BLTP2: variants seen among roughly 807,000 people sequenced by gnomAD.
BLTP2 encodes the protein U937-associated antigen.
At chr17:28,615,197 C>T in the BLTP2 span, 3 of 1,613,694 alleles carry the variant, frequency 1.9e-6, no homozygotes, top group African/African-American at 1.3e-5. Context: ...TAGCTTTCCC[C>T]GGACCTCAGA....
the BLTP2 span, chr17:28,643,989 A>G: frequency 6.5e-7 from 1 of 1,533,400 alleles, no homozygotes; most frequent in South Asian, 1.2e-5. Flanking sequence ...TTTTTAAAAA[A>G]AGGAAATTAA....
At chr17:28,643,631 T>A in the BLTP2 span, 1 of 1,614,092 alleles carries the variant, frequency 6.2e-7, no homozygotes, top group Non-Finnish European at 8.5e-7. Context: ...GCTAAGGAGT[T>A]TGCTGGAAAT....
chr17:28,627,142 G>A, the BLTP2 span, among the ~76,000 whole-genome samples: 1 of 152,204 alleles, frequency 6.6e-6, no homozygotes, highest in Non-Finnish European at 1.5e-5. Flanking sequence ...TTTGGTCACA[G>A]AAGTCTTCTG....
the BLTP2 span, chr17:28,628,115 T>C: frequency 1.5e-6 from 1 of 672,920 alleles, no homozygotes; most frequent in Non-Finnish European, 2.5e-6. Context: ...ACTTAATATG[T>C]AAGACTTAGG....
At chr17:28,615,866 C>T in the BLTP2 span, 6 of 1,554,800 alleles carry the variant, frequency 3.9e-6, no homozygotes, top group Non-Finnish European at 5.3e-6. Flanking sequence ...CATTTTGAGT[C>T]CCAGCCAGCC....
the BLTP2 span, among the ~76,000 whole-genome samples, chr17:28,621,715 GCA>G: frequency 6.6e-6 from 1 of 152,046 alleles, no homozygotes; most frequent in Non-Finnish European, 1.5e-5. Flanking sequence ...TGAGTTACAT[GCA>G]CACTTTGCCA....
the BLTP2 span, among the ~76,000 whole-genome samples, chr17:28,617,824 A>G: frequency 6.6e-6 from 1 of 151,848 alleles, no homozygotes; most frequent in Non-Finnish European, 1.5e-5. Context: ...CAGTGACACA[A>G]TCTTGGCTCA....
the BLTP2 span, chr17:28,645,104 G>A: frequency 8.5e-6 from 13 of 1,530,764 alleles, no homozygotes; most frequent in Non-Finnish European, 2.6e-6. Flanking sequence ...GCCATGCCGG[G>A]CCCCGACGCC....
At chr17:28,633,605 G>A in the BLTP2 span, 1 of 1,613,948 alleles carries the variant, frequency 6.2e-7, no homozygotes, top group African/African-American at 1.3e-5. Flanking sequence ...CAGTCTCCAT[G>A]GAACAGAAGA....
the BLTP2 span, among the ~76,000 whole-genome samples, chr17:28,631,108 C>A: frequency 6.6e-6 from 1 of 152,118 alleles, no homozygotes; most frequent in African/African-American, 2.4e-5. Flanking sequence ...GTCCTAACCC[C>A]CAATGTAACA....
chr17:28,640,182 C>T, the BLTP2 span, among the ~76,000 whole-genome samples: 2 of 152,132 alleles, frequency 1.3e-5, no homozygotes, highest in Non-Finnish European at 2.9e-5. Flanking sequence ...ATCACGAGGT[C>T]AGGAGATCGA....
the BLTP2 span, chr17:28,643,731 A>G: frequency 2.1e-6 from 3 of 1,399,148 alleles, no homozygotes; most frequent in Non-Finnish European, 2.0e-6. Flanking sequence ...CAAGCCAGGA[A>G]ATGTTCTGGA....
At chr17:28,634,742 G>A in the BLTP2 span, 1 of 1,614,120 alleles carries the variant, frequency 6.2e-7, no homozygotes, top group Non-Finnish European at 8.5e-7. Context: ...CGACGGGAAC[G>A]CTGGATGTAG....
the BLTP2 span, chr17:28,638,155 T>C: frequency 6.3e-7 from 1 of 1,599,448 alleles, no homozygotes; most frequent in Non-Finnish European, 8.5e-7. Context: ...TATAATGCCC[T>C]AATGCACTTC....
At chr17:28,615,821 A>T in the BLTP2 span, 1 of 1,612,206 alleles carries the variant, frequency 6.2e-7, no homozygotes, top group Non-Finnish European at 8.5e-7. Flanking sequence ...GGGGAGGGGA[A>T]AGAAAAAAAG....
At chr17:28,639,538 G>C in the BLTP2 span, 1 of 1,613,298 alleles carries the variant, frequency 6.2e-7, no homozygotes, top group Non-Finnish European at 8.5e-7. Flanking sequence ...CGGGAGAATA[G>C]AGAAAGGAAC....
the BLTP2 span, chr17:28,624,111 A>G: frequency 7.4e-7 from 1 of 1,357,688 alleles, no homozygotes. Flanking sequence ...TACCTATGAT[A>G]CCTATGAGAA....
At chr17:28,638,446 G>GGAGC in the BLTP2 span, 7 of 1,608,258 alleles carry the variant, frequency 4.4e-6, no homozygotes, top group Non-Finnish European at 6.0e-6. Context: ...GGGATTGCAT[G>GGAGC]GAGCCACTGT....
At chr17:28,640,565 T>C in the BLTP2 span, 1 of 1,614,070 alleles carries the variant, frequency 6.2e-7, no homozygotes, top group African/African-American at 1.3e-5. Flanking sequence ...CTCACCTCTT[T>C]TGACTATTCA....
Sources: allele counts gnomAD v4.1 joint callset (sites outside exome capture counted in the v4.1 genomes callset), GRCh38; gene constraint gnomAD v4.1.1; transcripts MANE v1.5; gene names NCBI Gene and HGNC (gene_info 2026-07-23, HGNC 2026-07-21).